The following SUGCT variants were observed in gnomAD, a reference collection of about 807,000 sequenced individuals.
The protein encoded by SUGCT is succinyl-CoA:glutarate CoA-transferase.
In SUGCT, 41 loss-of-function variants were observed where a neutral mutation model predicts 55.0. The observed-to-expected ratio is 0.74, with a 90% CI of 0.58 to 0.97. SUGCT has a LOEUF of 0.97. Among genes scored for constraint, SUGCT ranks in the 50% least tolerant of loss-of-function variants. The pLI is 0.00. For missense variants in SUGCT, 568 were observed against 547.8 expected (o/e 1.04, Z -0.37); for synonymous variants, 187 against 200.4 (o/e 0.93, Z 0.56).
rs112911579 is a variant in SUGCT at position 40,201,691 on chromosome 7, G to A, written c.484+6631G>A. The stretch of plus-strand genomic sequence containing the variant: ...AGGGTTTCAAAACACAGCCCTTGGA[G>A]CTAAGGACTGAGATTATATTTTGTC... On this transcript the variant is annotated intron_variant, in intron 6 of 13. Transcript: ENST00000335693. 1.1e-4 allele frequency among the ~76,000 whole-genome samples: 16 copies of A among 152,320 alleles called. 1 individual carries two copies. The highest frequency in any genetic ancestry group is 3.6e-4 in the African/African-American group (15 of 41,588).
intron 10 of SUGCT, among the ~76,000 whole-genome samples, chr7:40,454,613 A>AG (rs1554342652): frequency 0.05 from 1,350 of 26,938 alleles, 52 homozygotes; most frequent in East Asian, 0.48. Flanking sequence ...AAACACCCAG[A>AG]GGGGGAAAAA....
At chr7:40,284,103 T>G (rs1256425583) in intron 8 of SUGCT, among the ~76,000 whole-genome samples, 1 of 144,774 alleles carries the variant, frequency 6.9e-6, no homozygotes, top group African/African-American at 2.6e-5. Flanking sequence ...GTTGAACTCA[T>G]AGAGGCAGAG....
At chr7:40,942,813 G>T in the SUGCT span, among the ~76,000 whole-genome samples, 1 of 151,644 alleles carries the variant, frequency 6.6e-6, no homozygotes, top group Non-Finnish European at 1.5e-5. Flanking sequence ...TTGTCTTCAA[G>T]CTCTGAAATT....
At chr7:40,174,370 C>T (rs578079242) in intron 1 of SUGCT, among the ~76,000 whole-genome samples, 4 of 152,230 alleles carry the variant, frequency 2.6e-5, no homozygotes, top group African/African-American at 4.8e-5. Context: ...TGTTATTTCC[C>T]GATCTCAGCT....
At chr7:40,737,733 T>C (rs1277584720) in intron 12 of SUGCT, among the ~76,000 whole-genome samples, 3 of 152,168 alleles carry the variant, frequency 2.0e-5, no homozygotes, top group Non-Finnish European at 1.5e-5. Context: ...ATATGCATGT[T>C]AAGACTTCTG....
At chr7:40,515,876 T>C (rs1383977542) in intron 12 of SUGCT, among the ~76,000 whole-genome samples, 1 of 152,202 alleles carries the variant, frequency 6.6e-6, no homozygotes, top group Non-Finnish European at 1.5e-5. Context: ...ATGTTGAACA[T>C]TTTAAACCAT....
intron 12 of SUGCT, among the ~76,000 whole-genome samples, chr7:40,585,997 G>A (rs1797356930): frequency 1.3e-5 from 2 of 151,964 alleles, no homozygotes; most frequent in Admixed American, 1.3e-4. Context: ...AAATTTCAAT[G>A]ACTTATTATT....
intron 10 of SUGCT, among the ~76,000 whole-genome samples, chr7:40,451,110 C>G (rs1465157912): frequency 3.3e-5 from 5 of 152,116 alleles, no homozygotes; most frequent in African/African-American, 9.7e-5. Context: ...CATACGGAAG[C>G]TGTTGCCTGT....
intron 8 of SUGCT, among the ~76,000 whole-genome samples, chr7:40,312,546 T>A (rs923970447): frequency 1.3e-5 from 2 of 152,114 alleles, no homozygotes; most frequent in Admixed American, 1.3e-4. Context: ...ACTGGGGGGA[T>A]GCATGGGTAG....
At chr7:40,311,733 A>T (rs575775901) in intron 8 of SUGCT, among the ~76,000 whole-genome samples, 15 of 152,218 alleles carry the variant, frequency 9.9e-5, no homozygotes, top group Non-Finnish European at 1.3e-4. Context: ...AGAAGGCAAG[A>T]CTATATCTTT....
Position 40,631,177 on chromosome 7 carries a change from T to C in SUGCT, c.1090-118257T>C, listed in dbSNP as rs574111167. On this transcript the variant is annotated intron_variant, in intron 12 of 13. Transcript: ENST00000335693. ...AGAGTATTTGTTTTCATGAGCACTC[T>C]ATTGTGGCATAAATGTATTGCACAG... Among the ~76,000 whole-genome samples, 8 of 152,342 alleles carry C rather than the reference T, an allele frequency of 5.3e-5. No homozygotes were observed. In the South Asian group the frequency reaches 1.4e-3, roughly 28 times the overall value.
Position 40,467,987 on chromosome 7 carries a change from T to G in SUGCT, c.986+8789T>G, listed in dbSNP as rs140877966. ...TTTTCTTTTTTTTTTTTTTTTTAAC[T>G]AAAAGAGTACCTTAATAGCCCCTAT... On this transcript the variant is annotated intron_variant, in intron 11 of 13. Coordinates refer to ENST00000335693, the MANE Select transcript of SUGCT (RefSeq NM_001193313.2). Among the ~76,000 whole-genome samples, 1,116 of 150,160 alleles carry G rather than the reference T, an allele frequency of 7.4e-3. 42 individuals are homozygous for G. The highest frequency in any genetic ancestry group is 0.057 in the Admixed American group (862 of 15,046).
At chr7:40,188,868 A>G (rs937106605) in intron 4 of SUGCT, among the ~76,000 whole-genome samples, 4 of 152,204 alleles carry the variant, frequency 2.6e-5, no homozygotes, top group African/African-American at 9.6e-5. Flanking sequence ...TGTTATTATT[A>G]GGGAATAATT....
At chr7:40,853,803 C>A (rs575569217) in intron 13 of SUGCT, among the ~76,000 whole-genome samples, 47 of 152,180 alleles carry the variant, frequency 3.1e-4, no homozygotes, top group African/African-American at 1.1e-3. Flanking sequence ...TTGAAAAGTC[C>A]AATGAAATAA....
chr7:40,935,196 A>G, the SUGCT span, among the ~76,000 whole-genome samples: 5 of 152,162 alleles, frequency 3.3e-5, no homozygotes, highest in Non-Finnish European at 7.3e-5. Flanking sequence ...AGCTTCAGGT[A>G]TTTTCATGTG....
chr7:40,575,705 G>A lies in SUGCT; in HGVS notation c.1089+79319G>A, dbSNP rs989425613. Among the ~76,000 whole-genome samples the A allele has an allele frequency of 2.0e-5, 3 of 151,992 alleles. 1 individual carries two copies. The East Asian group carries it at 5.8e-4, about 29-fold the overall frequency. On this transcript the variant is annotated intron_variant, in intron 12 of 13. Coordinates refer to ENST00000335693, the MANE Select transcript of SUGCT (RefSeq NM_001193313.2). Reference sequence around the variant, plus strand: ...TCATGCCTGTAATCCCAGCACTTTGGGAGGCTGAGGCGGGTGAATCACCTG... The same window carrying A: ...TCATGCCTGTAATCCCAGCACTTTGAGAGGCTGAGGCGGGTGAATCACCTG...
chr7:40,906,705 C>T, the SUGCT span, among the ~76,000 whole-genome samples: 4 of 152,060 alleles, frequency 2.6e-5, no homozygotes, highest in Non-Finnish European at 4.4e-5. Flanking sequence ...ATAAAGGACT[C>T]GAACATCCTT....
At chr7:40,955,173 A>G in the SUGCT span, among the ~76,000 whole-genome samples, 1 of 152,204 alleles carries the variant, frequency 6.6e-6, no homozygotes, top group Non-Finnish European at 1.5e-5. Context: ...AATTCTGTGA[A>G]GAAAGTCAAT....
chr7:40,891,775 C>T, the SUGCT span, among the ~76,000 whole-genome samples: 98 of 152,050 alleles, frequency 6.4e-4, no homozygotes, highest in Admixed American at 2.5e-3. Flanking sequence ...TTTGGGAGGC[C>T]GAGGCAGGCA....
Sources: allele counts gnomAD v4.1 joint callset (sites outside exome capture counted in the v4.1 genomes callset), GRCh38; gene constraint gnomAD v4.1.1; transcripts MANE v1.5; gene names NCBI Gene and HGNC (gene_info 2026-07-23, HGNC 2026-07-21).